Variants in OSBPL10 observed in about 807,000 individuals in gnomAD.
The protein encoded by OSBPL10 is oxysterol binding protein like 10.
In OSBPL10, 49 loss-of-function variants were observed where a neutral mutation model predicts 81.7. The ratio of observed to expected loss-of-function variants is 0.60; its 90% CI spans 0.48 to 0.76. OSBPL10 has a LOEUF of 0.76. Among genes scored for constraint, OSBPL10 ranks in the 30% least tolerant of loss-of-function variants. OSBPL10 has a pLI of 0.00. For missense variants in OSBPL10, 923 were observed against 987.8 expected (o/e 0.93, Z 0.88); for synonymous variants, 419 against 383.6 (o/e 1.09, Z -1.08).
chr3:31,987,479 A>C (rs1370967320), intron 2 of OSBPL10, among the ~76,000 whole-genome samples: 4 of 152,240 alleles, frequency 2.6e-5, no homozygotes, highest in Non-Finnish European at 1.5e-5. Flanking sequence ...GGCTGCATAC[A>C]CTTATAAATG....
At chr3:32,030,508 T>G in intron 2 of OSBPL10, 4 of 723,228 alleles carry the variant, frequency 5.5e-6, no homozygotes, top group Non-Finnish European at 1.0e-5. Flanking sequence ...CTGAGATCGC[T>G]TCCTAAAATG....
chr3:31,883,884 G>A (rs1695662089), intron 1 of OSBPL10, among the ~76,000 whole-genome samples: 1 of 152,158 alleles, frequency 6.6e-6, no homozygotes. Flanking sequence ...CAATGAAAAG[G>A]CAAAGTAACA....
chr3:32,035,591 AT>A (rs1478292943), intron 2 of OSBPL10, among the ~76,000 whole-genome samples: 1 of 150,130 alleles, frequency 6.7e-6, no homozygotes, highest in African/African-American at 2.4e-5. Context: ...AAAATCAGAC[AT>A]GTTAATTCAT....
intron 4 of OSBPL10, among the ~76,000 whole-genome samples, chr3:31,794,249 A>G (rs6797132): frequency 0.15 from 22,438 of 152,158 alleles, 3,347 homozygotes; most frequent in African/African-American, 0.39. Flanking sequence ...GGTTCAAGCA[A>G]TTCTCCTGCC....
At chr3:31,686,434 AAAATGTGCCTGTCCT>A (rs1700794293) in intron 7 of OSBPL10, among the ~76,000 whole-genome samples, 1 of 152,192 alleles carries the variant, frequency 6.6e-6, no homozygotes, top group Non-Finnish European at 1.5e-5. Flanking sequence ...ATGTCAGGAG[AAAATGTGCCTGTCCT>A]AAATAAAAAA....
At chr3:31,960,200 G>A (rs1461640424) in intron 1 of OSBPL10, 1 of 152,154 alleles carries the variant, frequency 6.6e-6, no homozygotes, top group Non-Finnish European at 1.5e-5. Context: ...CAGATAGGGA[G>A]TCTCAGAGAT....
At chr3:31,761,235 A>G (rs1287911754) in intron 4 of OSBPL10, among the ~76,000 whole-genome samples, 1 of 152,196 alleles carries the variant, frequency 6.6e-6, no homozygotes, top group Non-Finnish European at 1.5e-5. Flanking sequence ...GCACTTTGGG[A>G]GGCCAAGGTA....
At chr3:31,817,825 G>A (rs1699881344) in intron 4 of OSBPL10, among the ~76,000 whole-genome samples, 1 of 152,210 alleles carries the variant, frequency 6.6e-6, no homozygotes, top group Non-Finnish European at 1.5e-5. Context: ...CCTCCCTGCT[G>A]CAGCCACTGC....
At chr3:32,008,760 G>GAAAAAAAAAAAAAAAAAAAAA (rs11328847) in intron 2 of OSBPL10, among the ~76,000 whole-genome samples, 1 of 114,526 alleles carries the variant, frequency 8.7e-6, no homozygotes. Context: ...ATCCTGACTG[G>GAAAAAAAAAAAAAAAAAAAAA]AAAAAAAAAA....
intron 6 of OSBPL10, chr3:31,709,150 C>T (rs985593811): frequency 2.2e-5 from 12 of 541,314 alleles, no homozygotes; most frequent in East Asian, 1.4e-4. Flanking sequence ...CGCATGTCCA[C>T]ACAGCAAGCT....
chr3:32,015,052 A>G (rs1467517429), intron 2 of OSBPL10, among the ~76,000 whole-genome samples: 2 of 152,246 alleles, frequency 1.3e-5, no homozygotes, highest in African/African-American at 4.8e-5. Flanking sequence ...TGCCATCCCC[A>G]TCAAGCTACC....
At chr3:31,825,094 T>G in intron 4 of OSBPL10, among the ~76,000 whole-genome samples, 1 of 151,540 alleles carries the variant, frequency 6.6e-6, no homozygotes, top group Non-Finnish European at 1.5e-5. Context: ...CCCAGGAGAG[T>G]TTGACCTTTA....
At chr3:31,863,697 T>C (rs902820792) in intron 3 of OSBPL10, among the ~76,000 whole-genome samples, 2 of 152,362 alleles carry the variant, frequency 1.3e-5, no homozygotes, top group South Asian at 4.1e-4. Flanking sequence ...CTTATGACTA[T>C]TAGTTTCCTC....
intron 5 of OSBPL10, among the ~76,000 whole-genome samples, chr3:31,746,269 T>C (rs1383231841): frequency 6.6e-6 from 1 of 152,222 alleles, no homozygotes; most frequent in Non-Finnish European, 1.5e-5. Context: ...GGATGTTTAC[T>C]GCAGCGAGGT....
chr3:31,815,895 T>C (rs1699822868), intron 4 of OSBPL10, among the ~76,000 whole-genome samples: 1 of 152,180 alleles, frequency 6.6e-6, no homozygotes, highest in African/African-American at 2.4e-5. Flanking sequence ...GGAAGGCTCC[T>C]TGTATTAAAT....
intron 4 of OSBPL10, among the ~76,000 whole-genome samples, chr3:31,770,169 A>G (rs1373158728): frequency 6.6e-6 from 1 of 152,170 alleles, no homozygotes; most frequent in African/African-American, 2.4e-5. Flanking sequence ...AGGTGCAGGG[A>G]GCATTTTCCC....
At chr3:31,915,686 C>T (rs867543334) in intron 1 of OSBPL10, among the ~76,000 whole-genome samples, 1 of 152,104 alleles carries the variant, frequency 6.6e-6, no homozygotes, top group South Asian at 2.1e-4. Flanking sequence ...ATCATTCATA[C>T]CTCAAACGTG....
chr3:31,864,076 T>TC (rs1160956224), intron 3 of OSBPL10, among the ~76,000 whole-genome samples: 4 of 152,126 alleles, frequency 2.6e-5, no homozygotes, highest in Non-Finnish European at 5.9e-5. Flanking sequence ...CAGTATGATT[T>TC]CCCCACAGTC....
chr3:31,950,840 C>T (rs1697847486), intron 1 of OSBPL10, among the ~76,000 whole-genome samples: 1 of 152,188 alleles, frequency 6.6e-6, no homozygotes, highest in Non-Finnish European at 1.5e-5. Flanking sequence ...TCCCTCTCGC[C>T]ATGTGACATG....
Sources: gnomAD v4.1 joint callset for allele counts (sites outside exome capture counted in the v4.1 genomes callset) on GRCh38, gnomAD v4.1.1 for gene constraint, MANE v1.5 for transcripts, NCBI Gene and HGNC (gene_info 2026-07-23, HGNC 2026-07-21) for gene names.